Variants in ZNF280C observed in about 807,000 individuals in gnomAD.
ZNF280C encodes suppressor of hairy wing homolog 3.
In ZNF280C, 14 loss-of-function variants were observed where a neutral mutation model predicts 53.6. The ratio of observed to expected loss-of-function variants is 0.26; its 90% CI spans 0.17 to 0.41. The LOEUF (loss-of-function observed/expected upper bound fraction) is 0.41. Ranked by LOEUF, ZNF280C falls within the 10% of genes least tolerant of loss-of-function variation. ZNF280C has a pLI of 1.00. For missense variants in ZNF280C, 416 were observed against 547.1 expected (o/e 0.76, Z 2.39); for synonymous variants, 203 against 181.1 (o/e 1.12, Z -0.97).
chrX:130,260,518 C>A, intron 1 of ZNF280C, 53 bp from the exon 2 acceptor site: 2 of 977,197 alleles, frequency 2.0e-6, no homozygotes, highest in Non-Finnish European at 1.4e-6. Context: ...TTAAGTAACA[C>A]CAAGTATTGA....
intron 13 of ZNF280C, among the ~76,000 whole-genome samples, chrX:130,218,814 A>G (rs1407064555): frequency 8.9e-6 from 1 of 111,790 alleles, no homozygotes; most frequent in Non-Finnish European, 1.9e-5. Flanking sequence ...GTTAAATAAT[A>G]AAATGTATGG....
chrX:130,226,663 T>TTA, intron 12 of ZNF280C, 96 bp downstream of exon 12: 3 of 906,068 alleles, frequency 3.3e-6, no homozygotes, highest in South Asian at 7.2e-5. Context: ...ATGTTCTACG[T>TTA]TATAGATAGA....
chrX:130,247,141 T>C, intron 2 of ZNF280C, 136 bp from the exon 3 acceptor site: 2 of 703,977 alleles, frequency 2.8e-6, no homozygotes, highest in Non-Finnish European at 4.1e-6. Context: ...TTTGTTTTTG[T>C]GACAGAGTTT....
intron 9 of ZNF280C, among the ~76,000 whole-genome samples, chrX:130,229,859 G>A (rs993812391): frequency 1.8e-5 from 2 of 111,935 alleles, no homozygotes; most frequent in African/African-American, 6.5e-5. Flanking sequence ...CATTTTCAAA[G>A]GGCTTACTAA....
Position 130,243,593 on chromosome X carries a change from G to A in ZNF280C, c.351C>T (p.Ser117=). Residue 117 remains serine (S), a synonymous_variant, in exon 5 of 19, where the codon AGC becomes AGT. Coordinates refer to ENST00000370978, the MANE Select transcript of ZNF280C (RefSeq NM_017666.5). ...TAGACGCATTCTCAACAGTAACAGA[G>A]CTTTGTGAAGATTTAGATACAAGAT... ...RFHLVSKSSQ[S]SVTVENASKP... 1 of 1,210,770 alleles carries A rather than the reference G, an allele frequency of 8.3e-7. No homozygotes were observed. The highest frequency in any genetic ancestry group is 1.1e-6 in the Non-Finnish European group (1 of 894,609).
chrX:130,246,728 T>C (rs2124711012), intron 3 of ZNF280C, 131 bp downstream of exon 3: 2 of 769,614 alleles, frequency 2.6e-6, no homozygotes, highest in East Asian at 3.2e-5. Flanking sequence ...AAGTTCTTAC[T>C]GACCTTTACT....
chrX:130,249,784 C>A (rs372121648), intron 2 of ZNF280C, among the ~76,000 whole-genome samples: 3 of 111,850 alleles, frequency 2.7e-5, no homozygotes, highest in East Asian at 2.8e-4. Flanking sequence ...CATTCACTCT[C>A]CAACAAGGGT....
At chrX:130,267,614 CTG>C (rs1399494689) in intron 1 of ZNF280C, among the ~76,000 whole-genome samples, 1 of 111,962 alleles carries the variant, frequency 8.9e-6, no homozygotes, top group African/African-American at 3.3e-5. Context: ...ATAATGGAAT[CTG>C]TACTGCTGTA....
intron 1 of ZNF280C, among the ~76,000 whole-genome samples, chrX:130,263,534 C>T (rs1012701097): frequency 3.6e-5 from 4 of 111,454 alleles, no homozygotes; most frequent in Non-Finnish European, 7.5e-5. Context: ...AGAGTAGAGG[C>T]TGCATATGGT....
chrX:130,246,980 A>C lies in ZNF280C; in HGVS notation c.57T>G (p.Phe19Leu), dbSNP rs2032457062. 5 of 1,206,236 alleles carry C rather than the reference A, an allele frequency of 4.1e-6. No individual in the cohort carries two copies. The highest frequency in any genetic ancestry group is 5.6e-6 in the Non-Finnish European group (5 of 894,083). The stretch of plus-strand genomic sequence containing the variant: ...CTAGCTCTTCTTCTTCACATTCCAT[A>C]AAGAGTTCTGCCATTTTTGAAATGT... ...PKNISKMAEL[F>L]MECEEEELEP... Residue 19 changes from phenylalanine (F) to leucine (L), a missense_variant, in exon 3 of 19, where the codon TTT becomes TTG. Physicochemically the swap from Phe to Leu is conservative, Grantham distance 22 (BLOSUM62 0). Around this residue, in one of 3 missense-constraint regions of ZNF280C, gnomAD observed 193 missense variants for 201.4 expected, o/e 0.96. Coordinates refer to ENST00000370978, the MANE Select transcript of ZNF280C (RefSeq NM_017666.5).
chrX:130,255,886 C>T (rs767281638), intron 2 of ZNF280C, among the ~76,000 whole-genome samples: 57 of 111,799 alleles, frequency 5.1e-4, no homozygotes, highest in Non-Finnish European at 8.5e-4. Flanking sequence ...ACCCAGGAGC[C>T]GGTGGTTGCA....
At chrX:130,221,368 T>C (rs1367527344) in intron 12 of ZNF280C, among the ~76,000 whole-genome samples, 1 of 111,480 alleles carries the variant, frequency 9.0e-6, no homozygotes, top group Non-Finnish European at 1.9e-5. Flanking sequence ...CCACAATTTT[T>C]TTCTCTACCT....
chrX:130,221,662 TAATA>T (rs980369849), intron 12 of ZNF280C, among the ~76,000 whole-genome samples: 7 of 111,090 alleles, frequency 6.3e-5, no homozygotes, highest in Non-Finnish European at 3.8e-5. Context: ...TTCAACAAAT[TAATA>T]AAACCTGTCA....
At chrX:130,257,901 G>A (rs1205837909) in intron 2 of ZNF280C, among the ~76,000 whole-genome samples, 1 of 112,380 alleles carries the variant, frequency 8.9e-6, no homozygotes, top group South Asian at 3.7e-4. Flanking sequence ...ATGAGGCCAG[G>A]AGTTCGAGAC....
At chrX:130,255,680 T>C (rs754259982) in intron 2 of ZNF280C, among the ~76,000 whole-genome samples, 1 of 110,978 alleles carries the variant, frequency 9.0e-6, no homozygotes, top group Admixed American at 9.5e-5. Flanking sequence ...GGTGGCTGAG[T>C]GTGGTGGCCC....
chrX:130,256,360 T>C (rs2032570900), intron 2 of ZNF280C, among the ~76,000 whole-genome samples: 1 of 111,494 alleles, frequency 9.0e-6, no homozygotes. Context: ...TAAATATTAT[T>C]AAAATATTAA....
Position 130,214,371 on chromosome X carries a change from T to TAA in ZNF280C, c.1979+821_1979+822insTT, listed in dbSNP as rs749561721. On this transcript the variant is annotated intron_variant, in intron 15 of 18. Transcript: ENST00000370978. ...ACTGGAATATTCCTACAGTCTCTTA[T>TAA]GTTTCATTGAATGAATGCAAAGATG... Among the ~76,000 whole-genome samples, 376 of 111,608 alleles carry TAA rather than the reference T, an allele frequency of 3.4e-3. 3 individuals are homozygous for TAA. The highest frequency in any genetic ancestry group is 0.012 in the African/African-American group (359 of 30,693).
rs2032419782 is a variant in ZNF280C at position 130,243,780 on chromosome X, ATAC to A, written c.244+17_244+19del. 2.5e-6 allele frequency: 3 copies of A among 1,177,087 alleles called. No homozygotes were observed. Among genetic ancestry groups the A allele is most frequent in the Middle Eastern group, 3.2e-4 (1 of 3,172 alleles). The stretch of plus-strand genomic sequence containing the variant: ...CAAAATATTTAACTTTAAAATTGAA[ATAC>A]TACAGTAATACTGTACCTGGACTGT... On this transcript the variant is annotated intron_variant, in intron 4 of 18. Coordinates refer to ENST00000370978, the MANE Select transcript of ZNF280C (RefSeq NM_017666.5).
At chrX:130,257,538 A>T (rs1402374802) in intron 2 of ZNF280C, among the ~76,000 whole-genome samples, 1 of 111,788 alleles carries the variant, frequency 8.9e-6, no homozygotes, top group Non-Finnish European at 1.9e-5. Context: ...AAGAGACAAC[A>T]TATGTACATA....
Sources: gnomAD v4.1 joint callset for allele counts (sites outside exome capture counted in the v4.1 genomes callset) on GRCh38, gnomAD v4.1.1 for gene constraint, gnomAD v4.1.1 regional missense constraint, MANE v1.5 for transcripts, NCBI Gene and HGNC (gene_info 2026-07-23, HGNC 2026-07-21) for gene names.